ASTN1: variants seen among roughly 807,000 people sequenced by gnomAD.
ASTN1 encodes astrotactin 1, also known as astrotactin-1.
A neutral mutation model predicts 140.7 loss-of-function variants in ASTN1; 41 were observed. That is an observed-to-expected ratio of 0.29 (90% CI 0.23 to 0.38). The LOEUF is 0.38. Ranked by LOEUF, ASTN1 falls within the 10% of genes least tolerant of loss-of-function variation. The probability of loss-of-function intolerance (pLI) is 1.00; values close to 1 mark genes in which losing one functional copy is unlikely to be tolerated. For synonymous variants in ASTN1, 640 were observed against 652.2 expected (o/e 0.98, Z 0.29); for missense variants, 1,479 against 1,678.8 (o/e 0.88, Z 2.08).
chr1:176,971,512 G>A (rs946322282), intron 8 of ASTN1, among the ~76,000 whole-genome samples: 17 of 152,056 alleles, frequency 1.1e-4, no homozygotes, highest in African/African-American at 3.4e-4. Flanking sequence ...TACCACCCCC[G>A]ACATATCCCC....
chr1:176,944,690 C>A (rs113469578), intron 13 of ASTN1, among the ~76,000 whole-genome samples: 39 of 152,098 alleles, frequency 2.6e-4, no homozygotes, highest in Admixed American at 2.6e-4. Context: ...GGAAATAAAC[C>A]AGCTGAAAAG....
chr1:177,099,115 C>A (rs959608297), intron 1 of ASTN1, among the ~76,000 whole-genome samples: 2 of 152,174 alleles, frequency 1.3e-5, no homozygotes, highest in Non-Finnish European at 2.9e-5. Flanking sequence ...AACATCAATT[C>A]TCAACACACT....
intron 1 of ASTN1, among the ~76,000 whole-genome samples, chr1:177,153,290 G>A (rs1033115150): frequency 6.6e-6 from 1 of 152,078 alleles, no homozygotes; most frequent in Non-Finnish European, 1.5e-5. Flanking sequence ...TGCACACTCT[G>A]GCTTTCCTTT....
intron 16 of ASTN1, among the ~76,000 whole-genome samples, chr1:176,928,266 C>T (rs1486664720): frequency 2.0e-5 from 3 of 152,008 alleles, no homozygotes; most frequent in Non-Finnish European, 4.4e-5. Context: ...TGCCTGATTG[C>T]CTCTAGGGAG....
At chr1:177,022,615 T>C (rs1675887725) in intron 7 of ASTN1, among the ~76,000 whole-genome samples, 2 of 152,192 alleles carry the variant, frequency 1.3e-5, no homozygotes, top group African/African-American at 4.8e-5. Context: ...TATAACAGAC[T>C]TGAAGACGTT....
intron 16 of ASTN1, among the ~76,000 whole-genome samples, chr1:176,925,997 C>T (rs933107611): frequency 2.6e-5 from 4 of 151,826 alleles, no homozygotes; most frequent in Admixed American, 6.6e-5. Context: ...TTAGTAGAGA[C>T]GGGGTTTCAC....
In ASTN1 at chr1:177,019,024, G is replaced by A. The variant is rs180757500; in HGVS notation, c.1439-4149C>T. Among the ~76,000 whole-genome samples, 312 of 152,310 alleles carry A rather than the reference G, an allele frequency of 2.0e-3. 3 individuals are homozygous for A. The highest frequency in any genetic ancestry group is 6.9e-3 in the African/African-American group (288 of 41,570). On this transcript the variant is annotated intron_variant, in intron 7 of 22. Transcript: ENST00000361833. ...AGCATCAGGGGGCTGGGGCTCTGCTGCAGCCACATAGAAGTGAAACAATTC... is the reference window on the plus strand; with the variant it reads ...AGCATCAGGGGGCTGGGGCTCTGCTACAGCCACATAGAAGTGAAACAATTC...
At chr1:176,986,821 G>A (rs1673929897) in intron 8 of ASTN1, among the ~76,000 whole-genome samples, 2 of 152,154 alleles carry the variant, frequency 1.3e-5, no homozygotes, top group African/African-American at 2.4e-5. Context: ...TTAAAAAGAT[G>A]AAAAGAATTA....
At chr1:177,049,370 G>C (rs1193532414) in intron 2 of ASTN1, among the ~76,000 whole-genome samples, 6 of 152,124 alleles carry the variant, frequency 3.9e-5, no homozygotes, top group Non-Finnish European at 8.8e-5. Context: ...TCAAACCCCT[G>C]ATTTTATTGA....
At chr1:177,021,266 A>T (rs228022) in intron 7 of ASTN1, among the ~76,000 whole-genome samples, 150,583 of 152,336 alleles carry the variant, frequency 0.99, 74,474 homozygotes, top group Middle Eastern at 1. Flanking sequence ...TCTTTCCAAT[A>T]GGAAATTCAT....
chr1:177,109,047 A>C (rs1443985322), intron 1 of ASTN1, among the ~76,000 whole-genome samples: 1 of 152,184 alleles, frequency 6.6e-6, no homozygotes, highest in African/African-American at 2.4e-5. Flanking sequence ...AACAGAGTGC[A>C]GAGTTATCTG....
chr1:176,950,743 G>T (rs1029387796), intron 11 of ASTN1, among the ~76,000 whole-genome samples: 1 of 152,014 alleles, frequency 6.6e-6, no homozygotes, highest in East Asian at 1.9e-4. Flanking sequence ...CTGGGGGTCT[G>T]TCCAGATCTG....
rs1196271179 is a variant in ASTN1, at chr1:176,946,138, T to A, written c.2055-18A>T. Reference sequence around the variant, plus strand: ...CGATGCACCTAGCACAGAGGAGAGCTCAATATAAGAAGTTATTCCATCAAT... The same window carrying A: ...CGATGCACCTAGCACAGAGGAGAGCACAATATAAGAAGTTATTCCATCAAT... On this transcript the variant is annotated intron_variant, in intron 12 of 22. Transcript: ENST00000361833. 2.6e-6 allele frequency: 4 copies of A among 1,542,252 alleles called. No individual in the cohort carries two copies. Among genetic ancestry groups the A allele is most frequent in the Non-Finnish European group, 3.5e-6 (4 of 1,133,712 alleles).
intron 11 of ASTN1, among the ~76,000 whole-genome samples, chr1:176,955,256 C>A (rs1672352527): frequency 6.6e-6 from 1 of 152,130 alleles, no homozygotes; most frequent in Non-Finnish European, 1.5e-5. Flanking sequence ...TACATTTGTC[C>A]CTGGTCCACT....
intron 1 of ASTN1, among the ~76,000 whole-genome samples, chr1:177,080,894 G>A (rs992676985): frequency 7.9e-5 from 12 of 152,142 alleles, no homozygotes; most frequent in South Asian, 2.1e-4. Context: ...ACACTTCAGA[G>A]GGGTGCATGA....
intron 16 of ASTN1, among the ~76,000 whole-genome samples, chr1:176,926,895 A>T (rs1043021245): frequency 6.6e-6 from 1 of 152,198 alleles, no homozygotes; most frequent in East Asian, 1.9e-4. Flanking sequence ...GGCTGTCCGC[A>T]TTCACAGAGC....
intron 11 of ASTN1, among the ~76,000 whole-genome samples, chr1:176,955,557 G>A (rs1309668858): frequency 6.6e-6 from 1 of 152,236 alleles, no homozygotes; most frequent in Non-Finnish European, 1.5e-5. Context: ...CCAAGTACTG[G>A]TATAACTGGG....
intron 2 of ASTN1, among the ~76,000 whole-genome samples, chr1:177,035,777 A>G (rs1676685399): frequency 6.6e-6 from 1 of 152,240 alleles, no homozygotes; most frequent in African/African-American, 2.4e-5. Flanking sequence ...AACTGGCTCT[A>G]GTCCCAGATC....
At chr1:177,147,726 T>G (rs1682781290) in intron 1 of ASTN1, among the ~76,000 whole-genome samples, 1 of 152,206 alleles carries the variant, frequency 6.6e-6, no homozygotes, top group Non-Finnish European at 1.5e-5. Flanking sequence ...AGGAATGGAC[T>G]CTGATTAGCC....
Sources: allele counts gnomAD v4.1 joint callset (sites outside exome capture counted in the v4.1 genomes callset), GRCh38; gene constraint gnomAD v4.1.1; transcripts MANE v1.5; gene names NCBI Gene and HGNC (gene_info 2026-07-23, HGNC 2026-07-21).